Variants in GPD2 observed in about 807,000 individuals in gnomAD.
GPD2 encodes the protein glycerol-3-phosphate dehydrogenase 2, also known as glycerol-3-phosphate dehydrogenase, mitochondrial.
In GPD2, 54 loss-of-function variants were observed where a neutral mutation model predicts 82.4. That is an observed-to-expected ratio of 0.66 (90% confidence interval 0.53 to 0.82). The LOEUF (loss-of-function observed/expected upper bound fraction) is 0.82, where lower values mean the gene tolerates loss of function less well. GPD2 is among the 40% of genes least tolerant of loss of function. The probability of loss-of-function intolerance (pLI) is 0.00; values close to 1 mark genes in which losing one functional copy is unlikely to be tolerated. For synonymous variants in GPD2, 288 were observed against 306.1 expected, an observed-to-expected ratio of 0.94 and a Z score of 0.62; for missense variants, 748 against 896.2, an observed-to-expected ratio of 0.83 and a Z score of 2.11.
At chr2:156,453,390 G>T (rs1336068788) in intron 1 of GPD2, among the ~76,000 whole-genome samples, 2 of 152,208 alleles carry the variant, frequency 1.3e-5, no homozygotes, top group African/African-American at 4.8e-5. Flanking sequence ...TGCCAAGATG[G>T]TGGAATGGAA....
intron 6 of GPD2, among the ~76,000 whole-genome samples, chr2:156,520,402 TC>T (rs1685357941): frequency 6.6e-6 from 1 of 152,180 alleles, no homozygotes; most frequent in African/African-American, 2.4e-5. Context: ...CTGTGACTAT[TC>T]ACCATTTCAT....
intron 2 of GPD2, among the ~76,000 whole-genome samples, chr2:156,481,650 T>G (rs13412325): frequency 0.014 from 2,084 of 146,938 alleles, 19 homozygotes; most frequent in Non-Finnish European, 0.019. Context: ...TTCTTTTTCT[T>G]TTTTTTTTTT....
chr2:156,416,013 T>C, the GPD2 span, among the ~76,000 whole-genome samples: 1 of 90,306 alleles, frequency 1.1e-5, no homozygotes, highest in Non-Finnish European at 2.7e-5. Context: ...AGAGCGAGAC[T>C]CCGTCTCAAA....
chr2:156,419,120 T>C, the GPD2 span, among the ~76,000 whole-genome samples: 30 of 140,800 alleles, frequency 2.1e-4, no homozygotes, highest in East Asian at 5.9e-3. Flanking sequence ...AGTGCAATGG[T>C]GCAATCTTGG....
At chr2:156,492,896 G>C (rs912781227) in intron 2 of GPD2, among the ~76,000 whole-genome samples, 27 of 152,204 alleles carry the variant, frequency 1.8e-4, no homozygotes, top group African/African-American at 6.3e-4. Context: ...AAAAAGGTTT[G>C]AGAAGATAAA....
chr2:156,435,065 A>G (rs1188369446), upstream of GPD2, among the ~76,000 whole-genome samples: 1 of 151,750 alleles, frequency 6.6e-6, no homozygotes, highest in Non-Finnish European at 1.5e-5. Flanking sequence ...TCTGTGGACT[A>G]TGGATGGTTC....
chr2:156,475,590 C>T (rs543120473), intron 1 of GPD2, among the ~76,000 whole-genome samples: 2 of 152,116 alleles, frequency 1.3e-5, no homozygotes, highest in African/African-American at 4.8e-5. Flanking sequence ...GTGAAAACTT[C>T]ATTAGAAAGG....
At chr2:156,487,076 C>T (rs921983666) in intron 2 of GPD2, among the ~76,000 whole-genome samples, 3 of 152,134 alleles carry the variant, frequency 2.0e-5, no homozygotes, top group East Asian at 1.9e-4. Flanking sequence ...GATGCCAAGG[C>T]GGGCAGATCA....
chr2:156,463,351 C>T (rs1342650118), intron 1 of GPD2, among the ~76,000 whole-genome samples: 1 of 151,854 alleles, frequency 6.6e-6, no homozygotes, highest in African/African-American at 2.4e-5. Context: ...TGTGTGTGTT[C>T]TTTGTTTGCT....
In GPD2 at chr2:156,512,278, A is replaced by G. The variant is rs766456077; in HGVS notation, c.458A>G (p.His153Arg). Reference sequence around the variant, plus strand: ...GCCAACCTGCTAGAAATTGCTCCCCATTTATCAGCTCCATTGCCTATAATG... The same window carrying G: ...GCCAACCTGCTAGAAATTGCTCCCCGTTTATCAGCTCCATTGCCTATAATG... ...ERANLLEIAP[H>R]LSAPLPIMLP... Residue 153 changes from histidine (H) to arginine (R), a missense_variant, in exon 5 of 17, where the codon CAT (histidine) becomes CGT (arginine). By Grantham distance (29) the His-to-Arg change is conservative (BLOSUM62 0). Around this residue, in one of 3 missense-constraint regions of GPD2, gnomAD observed 692 missense variants for 809.7 expected, o/e 0.85. Transcript: ENST00000438166. The G allele has an allele frequency of 1.8e-5, 29 of 1,603,132 alleles. No individual in the cohort carries two copies. The Admixed American group carries it at 2.5e-4, about 14-fold the overall frequency.
intron 6 of GPD2, among the ~76,000 whole-genome samples, chr2:156,526,848 G>A (rs868491906): frequency 6.6e-6 from 1 of 152,058 alleles, no homozygotes. Flanking sequence ...GAAATAAAAG[G>A]CCATAATGAT....
intron 9 of GPD2, among the ~76,000 whole-genome samples, chr2:156,562,510 C>T (rs1225438919): frequency 6.6e-6 from 1 of 152,018 alleles, no homozygotes; most frequent in Admixed American, 6.6e-5. Flanking sequence ...GACACTATTT[C>T]CCCTGTGTTC....
At chr2:156,452,961 A>C (rs540780737) in intron 1 of GPD2, among the ~76,000 whole-genome samples, 1 of 152,198 alleles carries the variant, frequency 6.6e-6, no homozygotes, top group Admixed American at 6.5e-5. Context: ...TTACTTTCCC[A>C]GTGAAGTGTG....
At chr2:156,516,531 C>T (rs368928928) in intron 6 of GPD2, among the ~76,000 whole-genome samples, 7 of 152,158 alleles carry the variant, frequency 4.6e-5, no homozygotes, top group African/African-American at 4.8e-5. Flanking sequence ...CTCTAATCTC[C>T]GGGGCTCAAG....
chr2:156,555,744 T>C (rs1321440179), intron 8 of GPD2, among the ~76,000 whole-genome samples: 1 of 152,152 alleles, frequency 6.6e-6, no homozygotes, highest in East Asian at 1.9e-4. Flanking sequence ...AAAATACTTG[T>C]TATTTGTAGT....
intron 9 of GPD2, among the ~76,000 whole-genome samples, chr2:156,568,242 A>C (rs1255167413): frequency 1.3e-5 from 2 of 152,144 alleles, no homozygotes; most frequent in African/African-American, 4.8e-5. Context: ...GGTGAGAATA[A>C]TAATAACCAA....
intron 6 of GPD2, among the ~76,000 whole-genome samples, chr2:156,534,377 A>G (rs1216736919): frequency 6.6e-6 from 1 of 152,194 alleles, no homozygotes; most frequent in Non-Finnish European, 1.5e-5. Flanking sequence ...GGCCAAAAGG[A>G]AATGTTTGGG....
intron 9 of GPD2, among the ~76,000 whole-genome samples, chr2:156,560,973 A>G (rs1687144827): frequency 6.9e-6 from 1 of 144,674 alleles, no homozygotes; most frequent in African/African-American, 2.5e-5. Flanking sequence ...CTCCTTAACA[A>G]CCTTATGAGA....
At chr2:156,505,965 A>C (rs1684772941) in intron 3 of GPD2, among the ~76,000 whole-genome samples, 1 of 152,202 alleles carries the variant, frequency 6.6e-6, no homozygotes, top group African/African-American at 2.4e-5. Context: ...TAACAGAACC[A>C]CAGAAGAACC....
Sources: gnomAD v4.1 joint callset for allele counts (sites outside exome capture counted in the v4.1 genomes callset) on GRCh38, gnomAD v4.1.1 for gene constraint, gnomAD v4.1.1 regional missense constraint, MANE v1.5 for transcripts, NCBI Gene and HGNC (gene_info 2026-07-23, HGNC 2026-07-21) for gene names.